SH3RF3: variants seen among roughly 807,000 people sequenced by gnomAD.
The protein encoded by SH3RF3 is SH3 domain containing ring finger 3, also known as E3 ubiquitin-protein ligase SH3RF3.
A neutral mutation model predicts 66.3 loss-of-function variants in SH3RF3; 29 were observed. That is an observed-to-expected ratio of 0.44 (90% CI 0.33 to 0.60). The LOEUF is 0.60. Ranked by LOEUF, SH3RF3 falls within the 20% of genes least tolerant of loss-of-function variation. The pLI, the probability that SH3RF3 is intolerant of heterozygous loss-of-function variation, is 0.04. For synonymous variants in SH3RF3, 583 were observed against 532.0 expected, an observed-to-expected ratio of 1.10 and a Z score of -1.32; for missense variants, 1,194 against 1,190.9, an observed-to-expected ratio of 1.00 and a Z score of -0.04.
At chr2:109,303,758 A>G (rs753763980) in intron 1 of SH3RF3, among the ~76,000 whole-genome samples, 23 of 152,330 alleles carry the variant, frequency 1.5e-4, no homozygotes, top group South Asian at 1.0e-3. Context: ...CATATTTTAC[A>G]TACTTAATTT....
chr2:109,181,980 G>T (rs1452059321), intron 1 of SH3RF3, among the ~76,000 whole-genome samples: 1 of 152,170 alleles, frequency 6.6e-6, no homozygotes, highest in Non-Finnish European at 1.5e-5. Flanking sequence ...GGTGATGTTT[G>T]CTCATTGCTC....
intron 1 of SH3RF3, among the ~76,000 whole-genome samples, chr2:109,150,398 C>G (rs903088211): frequency 6.6e-6 from 1 of 152,004 alleles, no homozygotes; most frequent in Non-Finnish European, 1.5e-5. Flanking sequence ...TGATGATAGT[C>G]GAAGCCATTT....
intron 1 of SH3RF3, among the ~76,000 whole-genome samples, chr2:109,274,874 T>C (rs1680715826): frequency 6.6e-6 from 1 of 150,554 alleles, no homozygotes; most frequent in Non-Finnish European, 1.5e-5. Flanking sequence ...GTCCCCACCA[T>C]ATAAAAATGT....
At chr2:109,286,756 A>T (rs533266585) in intron 1 of SH3RF3, among the ~76,000 whole-genome samples, 4 of 152,272 alleles carry the variant, frequency 2.6e-5, no homozygotes, top group African/African-American at 9.6e-5. Context: ...TTCCCTACAG[A>T]GATGTGGTGC....
intron 8 of SH3RF3, among the ~76,000 whole-genome samples, chr2:109,451,034 A>G (rs566232871): frequency 6.6e-6 from 1 of 152,336 alleles, no homozygotes; most frequent in South Asian, 2.1e-4. Flanking sequence ...CCCTGTCCTC[A>G]ACATGAGCCG....
chr2:109,232,538 T>C (rs10204703), intron 1 of SH3RF3, among the ~76,000 whole-genome samples: 22,259 of 152,148 alleles, frequency 0.15, 3,103 homozygotes, highest in African/African-American at 0.35. Context: ...TCTCCCATGC[T>C]GTAATGTTCA....
At chr2:109,203,777 T>A (rs1416129100) in intron 1 of SH3RF3, among the ~76,000 whole-genome samples, 2 of 152,138 alleles carry the variant, frequency 1.3e-5, no homozygotes, top group South Asian at 2.1e-4. Flanking sequence ...ACACCCTCGG[T>A]CCATCCATTC....
chr2:109,256,476 A>G (rs905702576), intron 1 of SH3RF3, among the ~76,000 whole-genome samples: 4 of 138,084 alleles, frequency 2.9e-5, no homozygotes, highest in Admixed American at 6.8e-5. Context: ...TCATGGAAAC[A>G]GGGGAGATTT....
chr2:109,260,473 T>C (rs1377485414), intron 1 of SH3RF3, among the ~76,000 whole-genome samples: 1 of 152,230 alleles, frequency 6.6e-6, no homozygotes, highest in Non-Finnish European at 1.5e-5. Context: ...CCAGTGGCTG[T>C]ATCTGGGTTT....
intron 5 of SH3RF3, among the ~76,000 whole-genome samples, chr2:109,428,465 C>G (rs1261176506): frequency 6.6e-6 from 1 of 152,222 alleles, no homozygotes; most frequent in Non-Finnish European, 1.5e-5. Context: ...CCGAGTCGGC[C>G]CAGCCGCCAG....
chr2:109,381,401 C>G (rs1296966915), intron 3 of SH3RF3, among the ~76,000 whole-genome samples: 5 of 152,166 alleles, frequency 3.3e-5, no homozygotes, highest in Admixed American at 6.5e-5. Flanking sequence ...AACTTTAGCT[C>G]CTCTCTGGGC....
intron 1 of SH3RF3, among the ~76,000 whole-genome samples, chr2:109,210,716 G>A (rs1252428070): frequency 6.6e-6 from 1 of 152,170 alleles, no homozygotes; most frequent in Non-Finnish European, 1.5e-5. Flanking sequence ...TCCTCCCGGG[G>A]TTCTCTCTGG....
At chr2:109,484,020 C>T (rs1402011809) in intron 8 of SH3RF3, among the ~76,000 whole-genome samples, 1 of 152,008 alleles carries the variant, frequency 6.6e-6, no homozygotes, top group African/African-American at 2.4e-5. Flanking sequence ...ACCCCAGCCT[C>T]CTCAGTTGGC....
chr2:109,292,959 T>C (rs979389371), intron 1 of SH3RF3, among the ~76,000 whole-genome samples: 1 of 152,186 alleles, frequency 6.6e-6, no homozygotes, highest in African/African-American at 2.4e-5. Context: ...CTCGAACTCC[T>C]GACTTCAGGT....
At chr2:109,456,238 G>A (rs953872373) in intron 8 of SH3RF3, among the ~76,000 whole-genome samples, 3 of 152,204 alleles carry the variant, frequency 2.0e-5, no homozygotes, top group Non-Finnish European at 4.4e-5. Flanking sequence ...TGGGCAGAAG[G>A]GGTCGCAGAG....
chr2:109,165,450 T>G (rs1009555229), intron 1 of SH3RF3, among the ~76,000 whole-genome samples: 1 of 151,942 alleles, frequency 6.6e-6, no homozygotes, highest in Non-Finnish European at 1.5e-5. Context: ...AAAGTTAAGT[T>G]TGGATGGAAG....
intron 2 of SH3RF3, among the ~76,000 whole-genome samples, chr2:109,348,499 C>T (rs1682766579): frequency 1.3e-5 from 2 of 152,222 alleles, no homozygotes; most frequent in African/African-American, 4.8e-5. Flanking sequence ...CAAAATAGCA[C>T]TGACAGGTGA....
chr2:109,318,100 CAA>C (rs3054730), intron 1 of SH3RF3, among the ~76,000 whole-genome samples: 2 of 134,528 alleles, frequency 1.5e-5, no homozygotes. Flanking sequence ...TTTCAGTACG[CAA>C]AAAAAAAAAG....
At chr2:109,255,299 C>G (rs527444842) in intron 1 of SH3RF3, among the ~76,000 whole-genome samples, 40 of 152,204 alleles carry the variant, frequency 2.6e-4, no homozygotes, top group African/African-American at 8.7e-4. Context: ...TCCAGCAGAC[C>G]CCATACCACC....
Sources: allele counts gnomAD v4.1 joint callset (sites outside exome capture counted in the v4.1 genomes callset), GRCh38; gene constraint gnomAD v4.1.1; transcripts MANE v1.5; gene names NCBI Gene and HGNC (gene_info 2026-07-23, HGNC 2026-07-21).